MECOM: variants seen among roughly 807,000 people sequenced by gnomAD.
The protein encoded by MECOM is MDS1 and EVI1 complex locus.
MECOM carries 13 observed loss-of-function variants against 116.3 expected under a neutral mutation model. The ratio of observed to expected loss-of-function variants is 0.11; its 90% CI spans 0.07 to 0.18. MECOM has a LOEUF of 0.18. Among genes scored for constraint, MECOM ranks in the 10% least tolerant of loss-of-function variants. The probability of loss-of-function intolerance (pLI) is 1.00; values close to 1 mark genes in which losing one functional copy is unlikely to be tolerated. For missense variants in MECOM, 1,299 were observed against 1,509.0 expected (o/e 0.86, Z 2.31); for synonymous variants, 528 against 535.2 (o/e 0.99, Z 0.19).
chr3:169,235,869 T>TAA (rs796203861), intron 2 of MECOM, among the ~76,000 whole-genome samples: 10 of 138,440 alleles, frequency 7.2e-5, no homozygotes, highest in East Asian at 4.2e-4. Flanking sequence ...CCATTTTGCT[T>TAA]AAAAAAAAAA....
intron 2 of MECOM, among the ~76,000 whole-genome samples, chr3:169,338,846 C>T (rs1164892481): frequency 6.6e-6 from 1 of 151,958 alleles, no homozygotes; most frequent in Non-Finnish European, 1.5e-5. Flanking sequence ...TTTATCGTTA[C>T]TCATAGTGTC....
At chr3:169,650,026 A>C (rs1774690592) in intron 1 of MECOM, among the ~76,000 whole-genome samples, 1 of 152,246 alleles carries the variant, frequency 6.6e-6, no homozygotes, top group Non-Finnish European at 1.5e-5. Flanking sequence ...TTTATATTTA[A>C]TCAACAACAT....
At chr3:169,601,018 C>A (rs183084267) in intron 1 of MECOM, among the ~76,000 whole-genome samples, 1 of 152,340 alleles carries the variant, frequency 6.6e-6, no homozygotes, top group Non-Finnish European at 1.5e-5. Context: ...ATTTCTACAT[C>A]TGGAGATTTA....
intron 7 of MECOM, among the ~76,000 whole-genome samples, chr3:169,118,664 T>C (rs891120665): frequency 1.3e-5 from 2 of 152,184 alleles, no homozygotes; most frequent in Non-Finnish European, 2.9e-5. Flanking sequence ...TTTCAAAGAC[T>C]TGTCATTTTT....
At chr3:169,212,134 G>T (rs1750800642) in intron 2 of MECOM, among the ~76,000 whole-genome samples, 1 of 152,042 alleles carries the variant, frequency 6.6e-6, no homozygotes, top group South Asian at 2.1e-4. Context: ...TGAATGGTAA[G>T]ATTGATTAGA....
At position 169,090,010 on chromosome 3, in the gene MECOM, A is replaced by G; in HGVS notation, c.3391T>C (p.Ser1131Pro). 1.2e-6 allele frequency: 2 copies of G among 1,613,148 alleles called. No homozygotes were observed. The highest frequency in any genetic ancestry group is 1.7e-6 in the Non-Finnish European group (2 of 1,179,482). Residue 1131 changes from serine (S) to proline (P), a missense_variant, in exon 15 of 17, where the codon TCC becomes CCC. By Grantham distance (74) the Ser-to-Pro change is moderately conservative. Transcript: ENST00000651503. ...TSALEMSCKT[S>P]PVRYKEEEYK... ...ACCCAAGGTACTCACCTCACTGGGG[A>G]TGTCTTGCAACTCATCTCCAGGGCA...
intron 1 of MECOM, among the ~76,000 whole-genome samples, chr3:169,494,745 C>T (rs1342632964): frequency 6.6e-6 from 1 of 152,166 alleles, no homozygotes; most frequent in Non-Finnish European, 1.5e-5. Flanking sequence ...TAAAAGCTCC[C>T]AGTGTGGTGA....
chr3:169,091,734 T>C (rs143062982), intron 14 of MECOM, among the ~76,000 whole-genome samples: 41 of 152,246 alleles, frequency 2.7e-4, no homozygotes, highest in African/African-American at 8.9e-4. Flanking sequence ...GTCTTTTTTC[T>C]TGTTTTTCTT....
intron 2 of MECOM, among the ~76,000 whole-genome samples, chr3:169,230,235 T>C (rs1287799912): frequency 1.5e-5 from 2 of 134,462 alleles, no homozygotes; most frequent in East Asian, 4.1e-4. Context: ...TTTCCTCTTT[T>C]AGTGCCAAAA....
chr3:169,161,470 C>T (rs938146295), intron 2 of MECOM, among the ~76,000 whole-genome samples: 1 of 151,974 alleles, frequency 6.6e-6, no homozygotes, highest in Non-Finnish European at 1.5e-5. Flanking sequence ...TAAAAGAAGA[C>T]AAAAGACTTT....
chr3:169,218,283 A>G (rs892983244), intron 2 of MECOM, among the ~76,000 whole-genome samples: 1 of 152,202 alleles, frequency 6.6e-6, no homozygotes, highest in African/African-American at 2.4e-5. Context: ...CTTTAAGAAG[A>G]TAAAACTTTC....
intron 1 of MECOM, among the ~76,000 whole-genome samples, chr3:169,527,936 G>T (rs1432643379): frequency 6.6e-6 from 1 of 152,166 alleles, no homozygotes; most frequent in African/African-American, 2.4e-5. Context: ...GTCTATAGAA[G>T]TTTGATGTGC....
chr3:169,556,603 A>T (rs721807), intron 1 of MECOM, among the ~76,000 whole-genome samples: 33,276 of 151,894 alleles, frequency 0.22, 4,673 homozygotes, highest in East Asian at 0.7. Context: ...GGATTCAGTG[A>T]CTCAATTCTA....
chr3:169,298,674 G>A (rs1340968504), intron 2 of MECOM, among the ~76,000 whole-genome samples: 2 of 152,080 alleles, frequency 1.3e-5, no homozygotes, highest in Admixed American at 6.6e-5. Context: ...GAAGACTTGG[G>A]ACATGAAATA....
In MECOM at chr3:169,457,630, A is replaced by C. The variant is rs16853789; in HGVS notation, c.38-76106T>G. On this transcript the variant is annotated intron_variant, in intron 1 of 16. Coordinates refer to ENST00000651503, the MANE Select transcript of MECOM (RefSeq NM_004991.4). ...GCTCCATAACTGTATTTTGAGGATA[A>C]AATTGAGACTATCATCTTAAATGGA... Among the ~76,000 whole-genome samples the C allele has an allele frequency of 6.1e-3, 926 of 152,322 alleles. 8 individuals carry two copies. The highest frequency in any genetic ancestry group is 0.021 in the African/African-American group (892 of 41,576).
intron 1 of MECOM, among the ~76,000 whole-genome samples, chr3:169,633,923 A>C (rs1577205385): frequency 1.3e-5 from 2 of 151,710 alleles, no homozygotes; most frequent in East Asian, 3.9e-4. Flanking sequence ...AAAAAACAAA[A>C]AACAAACAGG....
At chr3:169,466,084 T>C (rs1295532446) in intron 1 of MECOM, among the ~76,000 whole-genome samples, 2 of 152,178 alleles carry the variant, frequency 1.3e-5, no homozygotes, top group Non-Finnish European at 2.9e-5. Flanking sequence ...ACACTTGAGA[T>C]ATAACATTTG....
intron 1 of MECOM, among the ~76,000 whole-genome samples, chr3:169,532,572 C>T (rs1462381374): frequency 6.6e-6 from 1 of 152,152 alleles, no homozygotes; most frequent in Non-Finnish European, 1.5e-5. Context: ...ACTGAAGGAC[C>T]TCCCAACTCC....
At chr3:169,409,885 C>T (rs981162552) in intron 1 of MECOM, among the ~76,000 whole-genome samples, 6 of 152,230 alleles carry the variant, frequency 3.9e-5, no homozygotes, top group East Asian at 3.9e-4. Context: ...TCAGAGAAAA[C>T]GCAATATTGT....
Sources: gnomAD v4.1 joint callset for allele counts (sites outside exome capture counted in the v4.1 genomes callset) on GRCh38, gnomAD v4.1.1 for gene constraint, MANE v1.5 for transcripts, NCBI Gene and HGNC (gene_info 2026-07-23, HGNC 2026-07-21) for gene names.